SOX5: variants seen among roughly 807,000 people sequenced by gnomAD.
SOX5 encodes transcription factor SOX-5.
Under a neutral mutation model 92.0 loss-of-function variants are expected in SOX5, and 9 were observed. That is an observed-to-expected ratio of 0.10 (90% CI 0.06 to 0.17). SOX5 has a LOEUF of 0.17. Ranked by LOEUF, SOX5 falls within the 10% of genes least tolerant of loss-of-function variation. The pLI is 1.00. For missense variants in SOX5, 642 were observed against 944.5 expected, an observed-to-expected ratio of 0.68 and a Z score of 4.20; for synonymous variants, 344 against 336.3, an observed-to-expected ratio of 1.02 and a Z score of -0.25.
chr12:24,172,258 C>T (rs768070433), intron 4 of SOX5, among the ~76,000 whole-genome samples: 2 of 151,966 alleles, frequency 1.3e-5, no homozygotes, highest in Admixed American at 6.6e-5. Context: ...CAGTTTGGGC[C>T]GGGCGCAGTG....
At chr12:24,534,811 G>T (rs1951495325) in intron 1 of SOX5, among the ~76,000 whole-genome samples, 1 of 152,232 alleles carries the variant, frequency 6.6e-6, no homozygotes, top group African/African-American at 2.4e-5. Flanking sequence ...GGTGCTCCCA[G>T]GAGTGGGTGG....
Position 23,544,791 on chromosome 12 carries a change from C to T in SOX5, c.1598-1407G>A, listed in dbSNP as rs7965154. ...AAAATTTATGAAATGTGTTATTACC[C>T]GTAATTGTCTTTTATTGACAAAATA... On this transcript the variant is annotated intron_variant, in intron 12 of 14. Transcript: ENST00000451604. Among the ~76,000 whole-genome samples, 47 of 152,000 alleles carry T rather than the reference C, an allele frequency of 3.1e-4. 1 individual carries two copies. The highest frequency in any genetic ancestry group is 1.1e-3 in the African/African-American group (46 of 41,448).
Position 23,530,818 on chromosome 12 carries a change from T to TGTGTGTGTGTGTGTGTGTGTGTGGGCGC in SOX5, c.*3400_*3401insGCGCCCACACACACACACACACACACAC. Reference sequence around the variant, plus strand: ...GGGCAAGTGTGTGTGTGTGTGTGTGTGCGCGCGCGCGCGCGCGCATGTGAG... The same window carrying TGTGTGTGTGTGTGTGTGTGTGTGGGCGC: ...GGGCAAGTGTGTGTGTGTGTGTGTGTGTGTGTGTGTGTGTGTGTGTGTGGGCGCGCGCGCGCGCGCGCGCGCATGTGAG... On this transcript the variant is annotated 3_prime_UTR_variant, in exon 15 of 15. Coordinates refer to ENST00000451604, the MANE Select transcript of SOX5 (RefSeq NM_006940.6). 7.6e-6 allele frequency: 1 copy of TGTGTGTGTGTGTGTGTGTGTGTGGGCGC among 132,052 alleles called. No individual in the cohort carries two copies. The highest frequency in any genetic ancestry group is 2.8e-5 in the African/African-American group (1 of 36,114). The allele number at this position is 132,052 out of a possible 1,614,324, so 8.2% of individuals were successfully genotyped here.
intron 1 of SOX5, among the ~76,000 whole-genome samples, chr12:24,440,424 T>G (rs549498560): frequency 5.6e-4 from 85 of 152,250 alleles, no homozygotes; most frequent in African/African-American, 2.0e-3. Context: ...TCTTCCCTAC[T>G]AGTTGTGAAA....
chr12:23,651,689 G>A (rs758907541), intron 7 of SOX5, among the ~76,000 whole-genome samples: 1 of 152,044 alleles, frequency 6.6e-6, no homozygotes, highest in Non-Finnish European at 1.5e-5. Flanking sequence ...AATCAGAGGA[G>A]GGGCTGAGAT....
At chr12:23,914,118 A>G (rs1035588477) in intron 1 of SOX5, among the ~76,000 whole-genome samples, 1 of 152,210 alleles carries the variant, frequency 6.6e-6, no homozygotes, top group African/African-American at 2.4e-5. Flanking sequence ...CTCTATCTCC[A>G]GAGCCCTAAA....
intron 1 of SOX5, among the ~76,000 whole-genome samples, chr12:23,903,223 A>G (rs2097255519): frequency 6.6e-6 from 1 of 152,188 alleles, no homozygotes; most frequent in South Asian, 2.1e-4. Context: ...TAGATAATAG[A>G]TGATATCTCA....
chr12:24,230,473 C>T (rs1415748027), intron 3 of SOX5: 1 of 152,124 alleles, frequency 6.6e-6, no homozygotes, highest in Non-Finnish European at 1.5e-5. Flanking sequence ...TAATTTATGA[C>T]TGCCAGGGAA....
chr12:23,537,323 T>TTCTA (rs1351628167), intron 13 of SOX5, among the ~76,000 whole-genome samples: 1 of 152,180 alleles, frequency 6.6e-6, no homozygotes, highest in African/African-American at 2.4e-5. Context: ...GAGACAGCAT[T>TTCTA]TCTATCTATT....
intron 3 of SOX5, among the ~76,000 whole-genome samples, chr12:23,790,284 C>A (rs1307646218): frequency 1.3e-5 from 2 of 152,008 alleles, no homozygotes; most frequent in African/African-American, 2.4e-5. Context: ...TTTATTATTT[C>A]ATAATCATAT....
At chr12:23,976,791 G>A (rs1049999692) in intron 4 of SOX5, among the ~76,000 whole-genome samples, 7 of 151,870 alleles carry the variant, frequency 4.6e-5, no homozygotes, top group East Asian at 1.9e-4. Context: ...CTGGAAACTC[G>A]CGACTTGTTT....
At chr12:23,653,478 A>C (rs532160604) in intron 7 of SOX5, among the ~76,000 whole-genome samples, 2 of 152,192 alleles carry the variant, frequency 1.3e-5, no homozygotes, top group South Asian at 2.1e-4. Context: ...AATATGATGC[A>C]TATCTGTATA....
intron 5 of SOX5, among the ~76,000 whole-genome samples, chr12:23,739,742 A>G (rs190996874): frequency 5.9e-5 from 9 of 152,322 alleles, no homozygotes; most frequent in East Asian, 1.9e-4. Flanking sequence ...CCCCGATATT[A>G]ACATGGCTGC....
intron 1 of SOX5, among the ~76,000 whole-genome samples, chr12:23,947,457 G>A (rs1944774106): frequency 6.6e-6 from 1 of 151,738 alleles, no homozygotes; most frequent in Admixed American, 6.6e-5. Context: ...TATCATGCAT[G>A]GGTGCCTATA....
intron 1 of SOX5, among the ~76,000 whole-genome samples, chr12:24,436,028 G>A (rs577857905): frequency 1.4e-4 from 21 of 152,174 alleles, no homozygotes; most frequent in Non-Finnish European, 2.8e-4. Context: ...TAGATATTGT[G>A]TGTGCTCTGA....
chr12:24,468,330 G>C (rs1944438511), intron 1 of SOX5, among the ~76,000 whole-genome samples: 1 of 152,164 alleles, frequency 6.6e-6, no homozygotes, highest in Non-Finnish European at 1.5e-5. Flanking sequence ...TGTAAAATGG[G>C]GATGTAACAG....
At chr12:24,428,726 CAAAAAAAAAAAAAAAAAA>C (rs57964050) in intron 1 of SOX5, among the ~76,000 whole-genome samples, 8 of 32,592 alleles carry the variant, frequency 2.5e-4, no homozygotes, top group African/African-American at 3.8e-4. Flanking sequence ...CTCTGTTTCT[CAAAAAAAAAAAAAAAAAA>C]AAAAAAAAAA....
intron 2 of SOX5, among the ~76,000 whole-genome samples, chr12:24,341,931 G>C (rs977554323): frequency 1.3e-5 from 2 of 152,186 alleles, no homozygotes; most frequent in Non-Finnish European, 2.9e-5. Flanking sequence ...GGTGGTGGTA[G>C]CTTCTGGCTA....
chr12:24,002,040 T>C (rs11047195), intron 4 of SOX5, among the ~76,000 whole-genome samples: 7,669 of 152,192 alleles, frequency 0.05, 263 homozygotes, highest in Middle Eastern at 0.085. Flanking sequence ...TGAAATTCAT[T>C]GGATACAGCT....
Sources: allele counts gnomAD v4.1 joint callset (sites outside exome capture counted in the v4.1 genomes callset), GRCh38; gene constraint gnomAD v4.1.1; transcripts MANE v1.5; gene names NCBI Gene and HGNC (gene_info 2026-07-23, HGNC 2026-07-21).